Variants in MAST1 observed in about 807,000 individuals in gnomAD.
MAST1 encodes the protein microtubule-associated serine/threonine-protein kinase 1.
A neutral mutation model predicts 124.6 loss-of-function variants in MAST1; 40 were observed. The observed-to-expected ratio is 0.32, with a 90% CI of 0.25 to 0.42. The LOEUF is 0.42. MAST1 is among the 10% of genes least tolerant of loss of function. MAST1 has a pLI of 1.00. For missense variants in MAST1, 1,558 were observed against 2,181.9 expected (o/e 0.71, Z 5.70); for synonymous variants, 938 against 939.4 (o/e 1.00, Z 0.03).
chr19:12,867,500 G>T lies in MAST1; in HGVS notation c.2166G>T (p.Ser722=), dbSNP rs768086597. ...SKVYSSMEQL[S]QHEPKTPVAA... ...TGTATAGCAGCATGGAGCAGCTGTCGCAGCACGAGCCCAAGACCCCAGTAG... is the reference window on the plus strand; with the variant it reads ...TGTATAGCAGCATGGAGCAGCTGTCTCAGCACGAGCCCAAGACCCCAGTAG... Residue 722 remains serine (S), a synonymous_variant, in exon 19 of 26, where the codon TCG becomes TCT. Coordinates refer to ENST00000251472, the MANE Select transcript of MAST1 (RefSeq NM_014975.3). The T allele has an allele frequency of 3.7e-6, 6 of 1,613,516 alleles. No individual in the cohort carries two copies. The African/African-American group carries it at 5.3e-5, about 14-fold the overall frequency.
chr19:12,842,378 C>T (rs1443477886), intron 3 of MAST1, among the ~76,000 whole-genome samples: 2 of 151,862 alleles, frequency 1.3e-5, no homozygotes, highest in African/African-American at 4.8e-5. Context: ...CTGCAATTTC[C>T]GCCTTCTGGG....
In MAST1 at chr19:12,867,544, A is replaced by C; in HGVS notation, c.2210A>C (p.Lys737Thr). 7.4e-6 allele frequency: 12 copies of C among 1,613,756 alleles called. No individual in the cohort carries two copies. Among genetic ancestry groups the C allele is most frequent in the Non-Finnish European group, 1.0e-5 (12 of 1,179,964 alleles). Residue 737 changes from lysine (K) to threonine (T), a missense_variant, in exon 19 of 26, where the codon AAG becomes ACG. This residue lies in a region of MAST1 where 287 missense variants were observed against 308.0 expected (regional missense o/e 0.93). Transcript: ENST00000251472. ...CCAGTAGCAGCTGCAGGGAGCAGCA[A>C]GCGGGAGCCGAGCACCAAGGGCCCC... ...KTPVAAAGSS[K>T]REPSTKGPEE...
intron 4 of MAST1, among the ~76,000 whole-genome samples, chr19:12,845,271 C>A (rs577786543): frequency 6.6e-6 from 1 of 151,894 alleles, no homozygotes; most frequent in African/African-American, 2.4e-5. Flanking sequence ...CCACTGCACT[C>A]CAGCCTGGGT....
At position 12,873,912 on chromosome 19, in the gene MAST1, G is replaced by A; in HGVS notation, c.3755G>A (p.Ser1252Asn). 2 of 1,584,642 alleles carry A rather than the reference G, an allele frequency of 1.3e-6. No homozygotes were observed. The highest frequency in any genetic ancestry group is 1.7e-6 in the Non-Finnish European group (2 of 1,173,564). Residue 1252 changes from serine (S) to asparagine (N), a missense_variant, in exon 26 of 26, where the codon AGT becomes AAT. By Grantham distance (46) the Ser-to-Asn change is conservative. Transcript: ENST00000251472. ...CCCGTCGTGCGCCCGCGCCCCAAGA[G>A]TGCCGAGCCCCCTCGCTCGCCGCTC... ...SPPVVRPRPK[S>N]AEPPRSPLLK...
In MAST1 at chr19:12,841,279, G is replaced by C. The variant is rs1386692070; in HGVS notation, c.248+213G>C. ...ATCGCCGATCTGGAACGGGGAAGGC[G>C]GTGGGGCTCCCTTTGCGGCAGGTCG... On this transcript the variant is annotated intron_variant, in intron 3 of 25. Transcript: ENST00000251472. The surrounding 1 kb of genome is among the most constrained non-coding windows in gnomAD (Gnocchi z 4.3). 6.6e-6 allele frequency among the ~76,000 whole-genome samples: 1 copy of C among 152,388 alleles called. No individual in the cohort carries two copies. The highest frequency in any genetic ancestry group is 1.9e-4 in the East Asian group (1 of 5,180).
chr19:12,843,708 T>C lies in MAST1; in HGVS notation c.327+101T>C, dbSNP rs1470944888. On this transcript the variant is annotated intron_variant, in intron 4 of 25. Coordinates refer to ENST00000251472, the MANE Select transcript of MAST1 (RefSeq NM_014975.3). The surrounding 1 kb of genome is among the most constrained non-coding windows in gnomAD (Gnocchi z 4.9). ...GGCCAGCAGTCCAGGCTGGGCTTGA[T>C]GACAGTTTAGGGCCAGGCTCAGTGA... 9.5e-7 allele frequency: 1 copy of C among 1,049,020 alleles called. No individual in the cohort carries two copies. The highest frequency in any genetic ancestry group is 2.6e-5 in the East Asian group (1 of 38,336). 65.0% of individuals were successfully genotyped at this position (1,049,020 alleles called of 1,614,324 possible). A position where few individuals can be genotyped will look rare whatever the true frequency, so the allele number is the denominator to read the frequency against.
chr19:12,872,144 A>G (rs2145914344), intron 24 of MAST1, among the ~76,000 whole-genome samples: 1 of 152,276 alleles, frequency 6.6e-6, no homozygotes, highest in Admixed American at 6.5e-5. Context: ...GGCTAGAATA[A>G]GAAATGTCTA....
In MAST1 at chr19:12,858,560, C is replaced by T. The variant is rs1304753875; in HGVS notation, c.1187C>T (p.Thr396Met). 1.2e-6 allele frequency: 2 copies of T among 1,614,152 alleles called. No homozygotes were observed. Among genetic ancestry groups the T allele is most frequent in the African/African-American group, 1.3e-5 (1 of 74,958 alleles). Reference sequence around the variant, plus strand: ...GTCTACCTGGTGCGGCACCGCGACACGCGGCAGCGCTTTGCCATGAAAAAG... The same window carrying T: ...GTCTACCTGGTGCGGCACCGCGACATGCGGCAGCGCTTTGCCATGAAAAAG... The part of the protein sequence containing the change: ...GAVYLVRHRD[T>M]RQRFAMKKIN... The change falls in exon 12 of 26, where the codon ACG becomes ATG. Residue 396 changes from threonine (T) to methionine (M), a missense_variant. Thr to Met is a moderately conservative substitution (Grantham distance 81). Coordinates refer to ENST00000251472, the MANE Select transcript of MAST1 (RefSeq NM_014975.3).
At chr19:12,846,775 G>A (rs1162302587) in intron 4 of MAST1, among the ~76,000 whole-genome samples, 1 of 150,734 alleles carries the variant, frequency 6.6e-6, no homozygotes, top group African/African-American at 2.4e-5. Context: ...CTACTTAGGA[G>A]GCTGAGTCAG....
In MAST1 at chr19:12,867,868, G is replaced by A. The variant is rs763991278; in HGVS notation, c.2457G>A (p.Leu819=). ...AAGAGGACGAGGATGAGGCCCGGCT[G>A]CGCAGGCCTCCCCGGCCCAGCTCCG... is the stretch of plus-strand genomic sequence containing the variant. ...APQEDEDEAR[L]RRPPRPSSDP... is the part of the protein sequence containing the mutation. Residue 819 remains leucine, a synonymous_variant, in exon 20 of 26, where the codon CTG becomes CTA. Coordinates refer to ENST00000251472, the MANE Select transcript of MAST1 (RefSeq NM_014975.3). 8 of 1,606,994 alleles carry A rather than the reference G, an allele frequency of 5.0e-6. No homozygotes were observed. The African/African-American group carries it at 1.1e-4, about 22-fold the overall frequency.
chr19:12,850,444 A>G (rs992825971), intron 7 of MAST1, among the ~76,000 whole-genome samples: 1 of 152,210 alleles, frequency 6.6e-6, no homozygotes, highest in African/African-American at 2.4e-5. Context: ...CTTCCCCCAG[A>G]ACATTAAATT....
chr19:12,865,662 T>A lies in MAST1; in HGVS notation c.1805-55T>A. On this transcript the variant is annotated intron_variant, in intron 15 of 25. Coordinates refer to ENST00000251472, the MANE Select transcript of MAST1 (RefSeq NM_014975.3). This position sits in a 1 kb window ranked among gnomAD's most constrained non-coding sequence, Gnocchi z 7.1. ...AGCTGGGTGACACAGTGAGATCCTGTGTCCAAACAACAACAACAACAAAAA... is the reference window on the plus strand; with the variant it reads ...AGCTGGGTGACACAGTGAGATCCTGAGTCCAAACAACAACAACAACAAAAA... 6.7e-7 allele frequency: 1 copy of A among 1,495,038 alleles called. No homozygotes were observed. The allele number at this position is 1,495,038 out of a possible 1,614,324, so 92.6% of individuals were successfully genotyped here.
Position 12,868,624 on chromosome 19 carries a change from C to T in MAST1, c.2567-19C>T. On this transcript the variant is annotated intron_variant, in intron 20 of 25. Coordinates refer to ENST00000251472, the MANE Select transcript of MAST1 (RefSeq NM_014975.3). ...CCTGGCCTTGGACTAATTCCTAACACACTTGCTTTCTGTTGCAGCTGACCG... is the reference window on the plus strand; with the variant it reads ...CCTGGCCTTGGACTAATTCCTAACATACTTGCTTTCTGTTGCAGCTGACCG... 6.4e-7 allele frequency: 1 copy of T among 1,559,752 alleles called. No homozygotes were observed. Among genetic ancestry groups the T allele is most frequent in the Non-Finnish European group, 8.7e-7 (1 of 1,150,256 alleles).
intron 10 of MAST1, among the ~76,000 whole-genome samples, chr19:12,856,057 C>T (rs1970013412): frequency 6.6e-6 from 1 of 151,590 alleles, no homozygotes; most frequent in South Asian, 2.1e-4. Context: ...ATACCTCTTA[C>T]ACTCTGCCCA....
At position 12,864,828 on chromosome 19, in the gene MAST1, G is replaced by A; in HGVS notation, c.1386G>A (p.Leu462=). The change falls in exon 13 of 26, where the codon CTG becomes CTA. Residue 462 remains leucine (L), a synonymous_variant. Coordinates refer to ENST00000251472, the MANE Select transcript of MAST1 (RefSeq NM_014975.3). ...CTGCAGGCGGCGACTGTGCCACCCT[G>A]CTGAAGAATATTGGAGCGCTGCCCG... ...EYVEGGDCAT[L]LKNIGALPVE... is the part of the protein sequence containing the mutation. 1.2e-6 allele frequency: 2 copies of A among 1,613,898 alleles called. No homozygotes were observed. Among genetic ancestry groups the A allele is most frequent in the Middle Eastern group, 1.7e-4 (1 of 6,060 alleles).
rs554022029 is a variant in MAST1, at chr19:12,872,539, G to C, written c.3264-785G>C. The stretch of plus-strand genomic sequence containing the variant: ...GCAGCACTGAGTTAAGGGAAGTTCT[G>C]TCTTGATAGGTGGGTTGTAGTGAAA... On this transcript the variant is annotated intron_variant, in intron 24 of 25. Transcript: ENST00000251472. Among the ~76,000 whole-genome samples the C allele has an allele frequency of 1.5e-3, 231 of 151,982 alleles. 7 individuals carry two copies. In the South Asian group the frequency reaches 0.047, roughly 31 times the overall value.
At chr19:12,868,471 A>T in intron 20 of MAST1, 172 bp from the exon 21 acceptor site, 1 of 592,562 alleles carries the variant, frequency 1.7e-6, no homozygotes, top group Non-Finnish European at 2.9e-6. Flanking sequence ...ATACAGACCG[A>T]TACAGACTAT....
intron 10 of MAST1, among the ~76,000 whole-genome samples, chr19:12,856,436 G>A (rs1382444030): frequency 2.0e-5 from 3 of 151,806 alleles, no homozygotes; most frequent in Admixed American, 6.6e-5. Flanking sequence ...CCAAGCAGCT[G>A]GGATTATAGG....
intron 1 of MAST1, among the ~76,000 whole-genome samples, chr19:12,840,197 AT>A (rs1259204064): frequency 6.6e-6 from 1 of 152,206 alleles, no homozygotes; most frequent in Non-Finnish European, 1.5e-5. Context: ...CTATCACACC[AT>A]GACAGACACT....
Sources: allele counts gnomAD v4.1 joint callset (sites outside exome capture counted in the v4.1 genomes callset), GRCh38; gene constraint gnomAD v4.1.1; regional missense constraint gnomAD v4.1.1; non-coding constraint Gnocchi (gnomAD v3.1); transcripts MANE v1.5; gene names NCBI Gene and HGNC (gene_info 2026-07-23, HGNC 2026-07-21).